CDH4: variants seen among roughly 807,000 people sequenced by gnomAD.
CDH4 encodes the protein cadherin 4, also known as cadherin-4.
In CDH4, 33 loss-of-function variants were observed where a neutral mutation model predicts 86.0. The ratio of observed to expected loss-of-function variants is 0.38; its 90% CI spans 0.29 to 0.51. The LOEUF (loss-of-function observed/expected upper bound fraction) is 0.51. Among genes scored for constraint, CDH4 ranks in the 20% least tolerant of loss-of-function variants. The pLI is 0.86. For missense variants in CDH4, 1,114 were observed against 1,307.4 expected, an observed-to-expected ratio of 0.85 and a Z score of 2.28; for synonymous variants, 555 against 549.4, an observed-to-expected ratio of 1.01 and a Z score of -0.14.
intron 2 of CDH4, among the ~76,000 whole-genome samples, chr20:61,685,739 C>A (rs1474793890): frequency 6.6e-6 from 1 of 152,268 alleles, no homozygotes; most frequent in African/African-American, 2.4e-5. Flanking sequence ...GGCACCTGCC[C>A]TGGGAGAGCT....
rs572556623 is a variant in CDH4 at position 61,663,493 on chromosome 20, A to G, written c.170-80070A>G. Among the ~76,000 whole-genome samples, 31 of 151,978 alleles carry G rather than the reference A, an allele frequency of 2.0e-4. 1 individual carries two copies. In the East Asian group the frequency reaches 4.9e-3, roughly 24 times the overall value. On this transcript the variant is annotated intron_variant, in intron 2 of 15. Coordinates refer to ENST00000614565, the MANE Select transcript of CDH4 (RefSeq NM_001794.5). This position sits in a 1 kb window ranked among gnomAD's most constrained non-coding sequence, Gnocchi z 5.0. ...TCAGGCGAGGGTCCTAGAAATGCCAATGCTGGGGATGCCGCCGAGTGGGTC... is the reference window on the plus strand; with the variant it reads ...TCAGGCGAGGGTCCTAGAAATGCCAGTGCTGGGGATGCCGCCGAGTGGGTC...
At chr20:61,805,928 C>T (rs1291276085) in intron 4 of CDH4, among the ~76,000 whole-genome samples, 1 of 152,184 alleles carries the variant, frequency 6.6e-6, no homozygotes, top group Non-Finnish European at 1.5e-5. Flanking sequence ...AGAGACCCAC[C>T]ATCACTCACT....
intron 2 of CDH4, among the ~76,000 whole-genome samples, chr20:61,356,901 C>G (rs182625787): frequency 5.9e-5 from 9 of 152,248 alleles, no homozygotes; most frequent in African/African-American, 9.6e-5. Flanking sequence ...ATGTTATTCA[C>G]GTTTAGCCTC....
At chr20:61,329,067 T>C (rs146568701) in intron 2 of CDH4, among the ~76,000 whole-genome samples, 1 of 152,132 alleles carries the variant, frequency 6.6e-6, no homozygotes, top group Non-Finnish European at 1.5e-5. Context: ...ACATGTTGAG[T>C]GTCTTGTGCA....
At chr20:61,490,999 C>T (rs148290119) in intron 2 of CDH4, among the ~76,000 whole-genome samples, 1 of 152,316 alleles carries the variant, frequency 6.6e-6, no homozygotes, top group Non-Finnish European at 1.5e-5. Context: ...CTCGCCCACA[C>T]TGGATACCAA....
At chr20:61,312,738 AT>A (rs1461137884) in intron 2 of CDH4, among the ~76,000 whole-genome samples, 1 of 152,022 alleles carries the variant, frequency 6.6e-6, no homozygotes, top group Non-Finnish European at 1.5e-5. Flanking sequence ...GTGAGTGGTT[AT>A]TAATTTTGTG....
intron 4 of CDH4, among the ~76,000 whole-genome samples, chr20:61,821,045 C>A (rs557368889): frequency 6.6e-6 from 1 of 151,022 alleles, no homozygotes; most frequent in African/African-American, 2.4e-5. Context: ...CGCCCCAAAG[C>A]TTTCACCCCC....
At chr20:61,827,855 AAC>A (rs1981396345) in intron 4 of CDH4, among the ~76,000 whole-genome samples, 1 of 152,210 alleles carries the variant, frequency 6.6e-6, no homozygotes, top group Admixed American at 6.5e-5. Flanking sequence ...GTCAAAATGG[AAC>A]AGTTTCTCAG....
At chr20:61,913,361 T>C (rs1277795052) in intron 9 of CDH4, among the ~76,000 whole-genome samples, 4 of 152,234 alleles carry the variant, frequency 2.6e-5, no homozygotes, top group African/African-American at 9.6e-5. Context: ...TCAGCCGTCA[T>C]GTGCCTGCCT....
At position 61,730,798 on chromosome 20, in the gene CDH4, G is replaced by A. The variant is rs370201745; in HGVS notation, c.170-12765G>A. On this transcript the variant is annotated intron_variant, in intron 2 of 15. Coordinates refer to ENST00000614565, the MANE Select transcript of CDH4 (RefSeq NM_001794.5). ...AGGAGCAGATGAGCCTTCCAGAAAC[G>A]CCAGATCTACTTGCTCTGTGAGGCA... Among the ~76,000 whole-genome samples, 34 of 152,054 alleles carry A rather than the reference G, an allele frequency of 2.2e-4. No homozygotes were observed. The East Asian group carries it at 4.1e-3, about 18-fold the overall frequency.
At chr20:61,278,793 T>C (rs917776768) in intron 2 of CDH4, among the ~76,000 whole-genome samples, 4 of 152,156 alleles carry the variant, frequency 2.6e-5, no homozygotes, top group Non-Finnish European at 1.5e-5. Flanking sequence ...GCCCAGTGGA[T>C]AGAGGAAGAG....
In CDH4 at chr20:61,679,185, C is replaced by T. The variant is rs115282466; in HGVS notation, c.170-64378C>T. Reference sequence around the variant, plus strand: ...TGGCCTGGTGTTTGCAGTTCACACTCAGCGTCCACCTTCCATCTCTGTCTC... The same window carrying T: ...TGGCCTGGTGTTTGCAGTTCACACTTAGCGTCCACCTTCCATCTCTGTCTC... On this transcript the variant is annotated intron_variant, in intron 2 of 15. Coordinates refer to ENST00000614565, the MANE Select transcript of CDH4 (RefSeq NM_001794.5). Among the ~76,000 whole-genome samples, 1,003 of 152,296 alleles carry T rather than the reference C, an allele frequency of 6.6e-3. 10 individuals carry two copies. The highest frequency in any genetic ancestry group is 0.022 in the African/African-American group (930 of 41,566).
At chr20:61,548,621 A>G (rs1568887864) in intron 2 of CDH4, among the ~76,000 whole-genome samples, 3 of 152,232 alleles carry the variant, frequency 2.0e-5, no homozygotes, top group Admixed American at 6.5e-5. Flanking sequence ...ACAAACTTAA[A>G]TTATCAGGGT....
chr20:61,838,705 T>TCCC (rs1981988996), intron 4 of CDH4, among the ~76,000 whole-genome samples: 1 of 150,962 alleles, frequency 6.6e-6, no homozygotes, highest in Non-Finnish European at 1.5e-5. Context: ...ACTATCCTAG[T>TCCC]CCCAACTACT....
chr20:61,936,606 C>T lies in CDH4; in HGVS notation c.2545-131C>T, dbSNP rs936751743. The T allele has an allele frequency of 4.3e-5, 26 of 601,684 alleles. No individual in the cohort carries two copies. The South Asian group carries it at 7.3e-4, about 17-fold the overall frequency. 37.3% of individuals were successfully genotyped at this position (601,684 alleles called of 1,614,324 possible). ...GCCCTTCAGTTAAATGCAGAGAGCC[C>T]TTATTGGACACCTACTTTATGCAAC... On this transcript the variant is annotated intron_variant, in intron 15 of 15. Coordinates refer to ENST00000614565, the MANE Select transcript of CDH4 (RefSeq NM_001794.5).
At chr20:61,657,763 G>A (rs2087207666) in intron 2 of CDH4, among the ~76,000 whole-genome samples, 1 of 152,248 alleles carries the variant, frequency 6.6e-6, no homozygotes, top group Non-Finnish European at 1.5e-5. Context: ...TCACCTCGTA[G>A]TAAAATGTGG....
At chr20:61,772,973 C>T (rs1386977337) in intron 3 of CDH4, 30 bp from the exon 4 acceptor site, 7 of 1,590,214 alleles carry the variant, frequency 4.4e-6, no homozygotes, top group East Asian at 2.3e-5. Flanking sequence ...CTGGACTTCT[C>T]TGCCTCTTCT....
At chr20:61,499,932 G>T (rs1439719274) in intron 2 of CDH4, among the ~76,000 whole-genome samples, 1 of 152,180 alleles carries the variant, frequency 6.6e-6, no homozygotes, top group Non-Finnish European at 1.5e-5. Flanking sequence ...AGGGTCAGTG[G>T]CACCATTATG....
chr20:61,274,377 CGTGTGCAGTTTGGGGGGAGTACT>C (rs2084212189), intron 2 of CDH4, among the ~76,000 whole-genome samples: 5 of 63,918 alleles, frequency 7.8e-5, no homozygotes, highest in Non-Finnish European at 1.1e-4. Context: ...GGGGGAGTAC[CGTGTGCAGTTTGGGGGGAGTACT>C]GTGTGCAGTT....
Sources: gnomAD v4.1 joint callset for allele counts (sites outside exome capture counted in the v4.1 genomes callset) on GRCh38, gnomAD v4.1.1 for gene constraint, Gnocchi (gnomAD v3.1) non-coding constraint, MANE v1.5 for transcripts, NCBI Gene and HGNC (gene_info 2026-07-23, HGNC 2026-07-21) for gene names.